Variants in PALM2AKAP2 observed in about 807,000 individuals in gnomAD.
PALM2AKAP2 encodes PALM2-AKAP2 fusion protein.
A neutral mutation model predicts 71.5 loss-of-function variants in PALM2AKAP2; 37 were observed. The ratio of observed to expected loss-of-function variants is 0.52; its 90% CI spans 0.40 to 0.68. PALM2AKAP2 has a LOEUF of 0.68. Ranked by LOEUF, PALM2AKAP2 falls within the 30% of genes least tolerant of loss-of-function variation. The probability of loss-of-function intolerance (pLI) is 0.00; values close to 1 mark genes in which losing one functional copy is unlikely to be tolerated. For missense variants in PALM2AKAP2, 1,224 were observed against 1,191.8 expected, an observed-to-expected ratio of 1.03 and a Z score of -0.40; for synonymous variants, 468 against 478.8, an observed-to-expected ratio of 0.98 and a Z score of 0.29.
At chr9:110,121,689 A>G (rs116979536) in intron 1 of PALM2AKAP2, among the ~76,000 whole-genome samples, 3,209 of 152,308 alleles carry the variant, frequency 0.021, 52 homozygotes, top group South Asian at 0.037. Flanking sequence ...GGAAAGTTAC[A>G]TTTAGCAGAA....
rs185453351 is a variant in PALM2AKAP2 at position 110,053,511 on chromosome 9, A to G, written c.156+4656A>G. 4.4e-3 allele frequency among the ~76,000 whole-genome samples: 601 copies of G among 135,502 alleles called. 2 individuals are homozygous for G. Among genetic ancestry groups the G allele is most frequent in the Non-Finnish European group, 6.7e-3 (432 of 64,614 alleles). The allele number at this position is 135,502 out of a possible 152,430, so 88.9% of individuals were successfully genotyped here. A position where few individuals can be genotyped will look rare whatever the true frequency, so the allele number is the denominator to read the frequency against. On this transcript the variant is annotated intron_variant, in intron 1 of 3. Coordinates refer to ENST00000374525, the Ensembl canonical transcript of PALM2AKAP2. ...CCACTGCACTCCAGCCTGGTGACAG[A>G]GCAAGAACTCTGTCTCAAAAAAAAA...
At chr9:109,745,784 G>A (rs1189413789) in intron 1 of PALM2AKAP2, among the ~76,000 whole-genome samples, 1 of 152,144 alleles carries the variant, frequency 6.6e-6, no homozygotes. Context: ...TTCTGTACTT[G>A]ATTTACGCAA....
rs1828282890 is a variant in PALM2AKAP2, at chr9:109,830,972, T to C, written c.46-36519T>C. Among the ~76,000 whole-genome samples the C allele has an allele frequency of 2.6e-5, 4 of 152,234 alleles. No homozygotes were observed. The South Asian group carries it at 8.3e-4, about 32-fold the overall frequency. On this transcript the variant is annotated intron_variant, in intron 1 of 9. Transcript: ENST00000302798. ...CTAGATTTGATTGGAACAGCAGATT[T>C]AGGGGTCATGCAACAGGAGAATGAG...
intron 1 of PALM2AKAP2, among the ~76,000 whole-genome samples, chr9:109,664,501 A>T (rs1827448073): frequency 6.6e-6 from 1 of 152,202 alleles, no homozygotes; most frequent in African/African-American, 2.4e-5. Flanking sequence ...TTCTTTAAGA[A>T]TGTTGAATAT....
At chr9:109,848,518 T>A (rs1828923856) in intron 1 of PALM2AKAP2, among the ~76,000 whole-genome samples, 1 of 152,196 alleles carries the variant, frequency 6.6e-6, no homozygotes, top group Admixed American at 6.5e-5. Flanking sequence ...GAATGCAGCC[T>A]CCTAGAGCTC....
In PALM2AKAP2 at chr9:110,033,770, G is replaced by T. The variant is rs138278644; in HGVS notation, c.582+17731G>T. Reference sequence around the variant, plus strand: ...TGGGAGCAAGAATTAGTCAAGAATGGACCTGATCTAAGACCACTGTAGTTT... The same window carrying T: ...TGGGAGCAAGAATTAGTCAAGAATGTACCTGATCTAAGACCACTGTAGTTT... On this transcript the variant is annotated intron_variant, in intron 7 of 9. Transcript: ENST00000302798. 4.8e-4 allele frequency among the ~76,000 whole-genome samples: 73 copies of T among 152,292 alleles called. 1 individual carries two copies. The East Asian group carries it at 0.013, about 27-fold the overall frequency.
intron 1 of PALM2AKAP2, among the ~76,000 whole-genome samples, chr9:109,832,848 G>A (rs2131545306): frequency 6.6e-6 from 1 of 152,306 alleles, no homozygotes; most frequent in South Asian, 2.1e-4. Flanking sequence ...CCTCAGAGAG[G>A]CCAGCGGGGC....
chr9:109,732,995 T>C (rs76995360), intron 1 of PALM2AKAP2, among the ~76,000 whole-genome samples: 6,489 of 152,220 alleles, frequency 0.043, 191 homozygotes, highest in Non-Finnish European at 0.053. Flanking sequence ...AAGTGAGTTC[T>C]GAGAGGTAGA....
chr9:109,965,332 C>A (rs1930252), intron 6 of PALM2AKAP2, among the ~76,000 whole-genome samples: 19,348 of 152,242 alleles, frequency 0.13, 1,605 homozygotes, highest in East Asian at 0.25. Flanking sequence ...ACGGAAAAAA[C>A]CCCAAGTGTC....
intron 2 of PALM2AKAP2, 93 bp downstream of exon 8, chr9:110,138,632 G>A: frequency 6.9e-7 from 1 of 1,450,224 alleles, no homozygotes; most frequent in Non-Finnish European, 9.1e-7. Context: ...CCTCCTCTGT[G>A]TGTGTCTGGA....
intron 6 of PALM2AKAP2, among the ~76,000 whole-genome samples, chr9:110,004,163 G>A (rs868776398): frequency 2.0e-5 from 3 of 152,176 alleles, no homozygotes; most frequent in African/African-American, 4.8e-5. Flanking sequence ...CGCAGTGGCT[G>A]GTACCAGTTT....
intron 1 of PALM2AKAP2, among the ~76,000 whole-genome samples, chr9:109,842,928 G>A (rs898862558): frequency 3.3e-5 from 5 of 151,956 alleles, no homozygotes; most frequent in Non-Finnish European, 7.4e-5. Context: ...ATCACCTGAG[G>A]TCGGGAGTTC....
At position 109,943,050 on chromosome 9, in the gene PALM2AKAP2, C is replaced by T. The variant is rs550785716; in HGVS notation, c.496+11022C>T. ...ATAAGTCTAGGAAAGACCATTCTTC[C>T]GGGAACCCAGGGCAGCAGGCCCAAG... On this transcript the variant is annotated intron_variant, in intron 6 of 9. Coordinates refer to the PALM2AKAP2 transcript ENST00000302798. The T allele has an allele frequency of 8.3e-5, 134 of 1,614,060 alleles. No homozygotes were observed. The Middle Eastern group carries it at 3.6e-3, about 44-fold the overall frequency.
intron 2 of PALM2AKAP2, among the ~76,000 whole-genome samples, chr9:109,879,436 T>G (rs865959119): frequency 6.6e-6 from 1 of 152,208 alleles, no homozygotes; most frequent in South Asian, 2.1e-4. Flanking sequence ...TGGTCACTGG[T>G]CCTTAGCCAT....
At chr9:109,809,477 G>A (rs1261479240) in intron 1 of PALM2AKAP2, among the ~76,000 whole-genome samples, 1 of 152,130 alleles carries the variant, frequency 6.6e-6, no homozygotes, top group Non-Finnish European at 1.5e-5. Context: ...ATTTGGAATG[G>A]GTATATTTAC....
intron 1 of PALM2AKAP2, among the ~76,000 whole-genome samples, chr9:109,655,402 G>T (rs1827288407): frequency 6.6e-6 from 1 of 151,926 alleles, no homozygotes; most frequent in Non-Finnish European, 1.5e-5. Context: ...TGGATAAAGG[G>T]TCTCTTTCTC....
chr9:109,919,868 A>G (rs1276095718), intron 3 of PALM2AKAP2, among the ~76,000 whole-genome samples: 1 of 152,114 alleles, frequency 6.6e-6, no homozygotes, highest in Admixed American at 6.5e-5. Flanking sequence ...GCTTAAACCC[A>G]AAGTCATTTA....
chr9:110,143,233 G>A (rs191129249), intron 2 of PALM2AKAP2, among the ~76,000 whole-genome samples: 10 of 147,910 alleles, frequency 6.8e-5, no homozygotes, highest in Admixed American at 2.0e-4. Flanking sequence ...GGGCAACATA[G>A]CAAGTCCCCA....
chr9:110,135,812 G>C (rs1361172033), intron 1 of PALM2AKAP2, among the ~76,000 whole-genome samples: 1 of 152,154 alleles, frequency 6.6e-6, no homozygotes, highest in Non-Finnish European at 1.5e-5. Context: ...GTATTGCACA[G>C]CCTGCAATCA....
Sources: gnomAD v4.1 joint callset for allele counts (sites outside exome capture counted in the v4.1 genomes callset) on GRCh38, gnomAD v4.1.1 for gene constraint, MANE v1.5 for transcripts, NCBI Gene and HGNC (gene_info 2026-07-23, HGNC 2026-07-21) for gene names.